Variants in SLIT1 observed in about 807,000 individuals in gnomAD.
The protein encoded by SLIT1 is slit homolog 1 protein.
SLIT1 carries 66 observed loss-of-function variants against 186.1 expected under a neutral mutation model. That is an observed-to-expected ratio of 0.35 (90% CI 0.29 to 0.44). The LOEUF is 0.44. Among genes scored for constraint, SLIT1 ranks in the 20% least tolerant of loss-of-function variants. The pLI is 1.00. For missense variants in SLIT1, 1,638 were observed against 2,037.4 expected (o/e 0.80, Z 3.77); for synonymous variants, 761 against 833.8 (o/e 0.91, Z 1.50).
Position 97,006,732 on chromosome 10 carries a change from G to A in SLIT1, c.3342-12C>T. On this transcript the variant is annotated splice_polypyrimidine_tract_variant and intron_variant, in intron 31 of 36. Coordinates refer to ENST00000266058, the MANE Select transcript of SLIT1 (RefSeq NM_003061.3). The surrounding 1 kb of genome is among the most constrained non-coding windows in gnomAD (Gnocchi z 4.0). The stretch of plus-strand genomic sequence containing the variant: ...CACAGAGCTGTCCACTGAGAGGAAA[G>A]GACATAAGTCAGAGAGGGCCAAGGA... 6.3e-7 allele frequency: 1 copy of A among 1,597,838 alleles called. No individual in the cohort carries two copies. Among genetic ancestry groups the A allele is most frequent in the South Asian group, 1.1e-5 (1 of 90,580 alleles).
chr10:97,019,025 G>C lies in SLIT1; in HGVS notation c.2829C>G (p.Asp943Glu). ...AGGCGCACCTGTACACCTCAAGGGG[G>C]TCGTTGTGGCAGGTGCCCTGGTTCT... The part of the protein sequence containing the change: ...PCQNQGTCHN[D>E]PLEVYRCACP... The change falls in exon 27 of 37, where the codon GAC becomes GAG. Residue 943 changes from aspartate to glutamate, a missense_variant. Around this residue, in one of 3 missense-constraint regions of SLIT1, gnomAD observed 1,245 missense variants for 1,535.3 expected, o/e 0.81. Transcript: ENST00000266058. 1 of 1,613,892 alleles carries C rather than the reference G, an allele frequency of 6.2e-7. No individual in the cohort carries two copies. Among genetic ancestry groups the C allele is most frequent in the Non-Finnish European group, 8.5e-7 (1 of 1,179,846 alleles).
chr10:97,140,576 C>G (rs1339962543), intron 4 of SLIT1, among the ~76,000 whole-genome samples: 1 of 152,200 alleles, frequency 6.6e-6, no homozygotes, highest in Non-Finnish European at 1.5e-5. Context: ...CTTTCTAACC[C>G]TTCCCTGCTT....
In SLIT1 at chr10:97,048,846, G is replaced by T. The variant is rs1041581837; in HGVS notation, c.1465+109C>A. 6.1e-5 allele frequency: 70 copies of T among 1,144,822 alleles called. 1 individual carries two copies. Among genetic ancestry groups the T allele is most frequent in the African/African-American group, 8.5e-5 (5 of 58,900 alleles). The allele number at this position is 1,144,822 out of a possible 1,614,324, so 70.9% of individuals were successfully genotyped here. ...AGGTAGGCAGGCAGGCAAGTGAGCA[G>T]GCGGGTAGGTGGGCAGGTGGGCAGG... On this transcript the variant is annotated intron_variant, in intron 14 of 36. Coordinates refer to ENST00000266058, the MANE Select transcript of SLIT1 (RefSeq NM_003061.3).
chr10:97,107,823 C>T (rs1028782162), intron 4 of SLIT1, among the ~76,000 whole-genome samples: 1 of 151,950 alleles, frequency 6.6e-6, no homozygotes, highest in African/African-American at 2.4e-5. Flanking sequence ...AAGCAGGAGC[C>T]GGGCTGGGGA....
At chr10:97,116,586 A>G (rs1032953672) in intron 4 of SLIT1, among the ~76,000 whole-genome samples, 2 of 152,188 alleles carry the variant, frequency 1.3e-5, no homozygotes, top group African/African-American at 2.4e-5. Context: ...GGTCCAGCTC[A>G]TTTCAGGAGG....
chr10:97,041,523 GTGCAACGGTGTGATCTCGGCTCAC>G (rs1286898548), intron 20 of SLIT1, among the ~76,000 whole-genome samples: 2 of 151,634 alleles, frequency 1.3e-5, no homozygotes, highest in African/African-American at 4.9e-5. Context: ...CCAGGCTGGA[GTGCAACGGTGTGATCTCGGCTCAC>G]TGCAACCTCC....
In SLIT1 at chr10:97,056,308, T is replaced by C. The variant is rs779683009; in HGVS notation, c.1301+13A>G. ...GCTGGGAGGGGAGAAGAAGAAGGCATCAGGGCACTCACAGAGTCTGGATGG... is the reference window on the plus strand; with the variant it reads ...GCTGGGAGGGGAGAAGAAGAAGGCACCAGGGCACTCACAGAGTCTGGATGG... On this transcript the variant is annotated intron_variant, in intron 13 of 36. Coordinates refer to ENST00000266058, the MANE Select transcript of SLIT1 (RefSeq NM_003061.3). The C allele has an allele frequency of 3.1e-6, 5 of 1,613,824 alleles. No individual in the cohort carries two copies. Among genetic ancestry groups the C allele is most frequent in the Non-Finnish European group, 3.4e-6 (4 of 1,179,780 alleles).
intron 4 of SLIT1, among the ~76,000 whole-genome samples, chr10:97,115,292 T>C (rs1246070468): frequency 6.6e-6 from 1 of 152,214 alleles, no homozygotes; most frequent in Non-Finnish European, 1.5e-5. Flanking sequence ...CCCAGCCTGC[T>C]ATTCCTTGGA....
At chr10:97,077,389 TC>T (rs1347510812) in intron 4 of SLIT1, among the ~76,000 whole-genome samples, 1 of 152,090 alleles carries the variant, frequency 6.6e-6, no homozygotes, top group Non-Finnish European at 1.5e-5. Context: ...GCTCTCCTGC[TC>T]CCCTTCTCTG....
At chr10:97,134,687 C>A (rs7097760) in intron 4 of SLIT1, among the ~76,000 whole-genome samples, 21,455 of 152,250 alleles carry the variant, frequency 0.14, 2,156 homozygotes, top group African/African-American at 0.29. Context: ...TTCATTCCCC[C>A]AGAGCTGATT....
intron 4 of SLIT1, among the ~76,000 whole-genome samples, chr10:97,139,801 G>A (rs1849739978): frequency 6.6e-6 from 1 of 152,204 alleles, no homozygotes; most frequent in Non-Finnish European, 1.5e-5. Flanking sequence ...CTGCATGTCA[G>A]TGTGCACACA....
intron 4 of SLIT1, among the ~76,000 whole-genome samples, chr10:97,078,419 G>A (rs1447749647): frequency 2.6e-5 from 4 of 152,134 alleles, no homozygotes; most frequent in Non-Finnish European, 4.4e-5. Context: ...GAGACATTAA[G>A]CAGCCTTGAA....
At position 97,019,096 on chromosome 10, in the gene SLIT1, G is replaced by A; in HGVS notation, c.2758C>T (p.Leu920=). ...AGATCACACTTGGCCTGGACAGCCA[G>A]CGTTGGAGGACCTGCAGCAAGGGGA... is the stretch of plus-strand genomic sequence containing the variant. The part of the protein sequence containing the change: ...KKFECQGPPT[L]AVQAKCDLCL... Residue 920 remains leucine, a synonymous_variant, in exon 27 of 37, where the codon CTG becomes TTG. Coordinates refer to ENST00000266058, the MANE Select transcript of SLIT1 (RefSeq NM_003061.3). 3 of 1,613,162 alleles carry A rather than the reference G, an allele frequency of 1.9e-6. No individual in the cohort carries two copies. Among genetic ancestry groups the A allele is most frequent in the Non-Finnish European group, 1.7e-6 (2 of 1,179,226 alleles).
At chr10:97,157,611 C>T in intron 4 of SLIT1, 2 of 582,250 alleles carry the variant, frequency 3.4e-6, no homozygotes, top group Non-Finnish European at 6.1e-6. Flanking sequence ...CGGGTTCTTC[C>T]AAGTGCTTGC....
intron 4 of SLIT1, among the ~76,000 whole-genome samples, chr10:97,096,290 T>A (rs1452798714): frequency 6.6e-6 from 1 of 152,082 alleles, no homozygotes. Context: ...AGAAAATAAG[T>A]ATTTCCTTCG....
chr10:97,013,212 C>T (rs1265282236), intron 30 of SLIT1, among the ~76,000 whole-genome samples: 3 of 152,140 alleles, frequency 2.0e-5, no homozygotes, highest in Non-Finnish European at 2.9e-5. Flanking sequence ...ATTCACATTA[C>T]GTGGGATGAA....
chr10:97,178,968 T>G (rs1208034785), intron 1 of SLIT1, among the ~76,000 whole-genome samples: 1 of 152,014 alleles, frequency 6.6e-6, no homozygotes, highest in Non-Finnish European at 1.5e-5. Flanking sequence ...CCTCAGGGGG[T>G]TTTGCTTCTC....
chr10:97,127,798 T>C (rs1849617896), intron 4 of SLIT1, among the ~76,000 whole-genome samples: 1 of 152,192 alleles, frequency 6.6e-6, no homozygotes, highest in East Asian at 1.9e-4. Context: ...CCCACCCAGC[T>C]ATGACTCCAG....
intron 5 of SLIT1, 53 bp from the exon 6 acceptor site, chr10:97,064,929 G>GC: frequency 2.1e-6 from 3 of 1,444,690 alleles, no homozygotes; most frequent in South Asian, 2.4e-5. Context: ...TAGAGTAAGG[G>GC]TGTCCAAACA....
Sources: allele counts gnomAD v4.1 joint callset (sites outside exome capture counted in the v4.1 genomes callset), GRCh38; gene constraint gnomAD v4.1.1; regional missense constraint gnomAD v4.1.1; non-coding constraint Gnocchi (gnomAD v3.1); transcripts MANE v1.5; gene names NCBI Gene and HGNC (gene_info 2026-07-23, HGNC 2026-07-21).